Variants in SOX5 observed in about 807,000 individuals in gnomAD.
SOX5 encodes transcription factor SOX-5.
Under a neutral mutation model 92.0 loss-of-function variants are expected in SOX5, and 9 were observed. The observed-to-expected ratio is 0.10, with a 90% CI of 0.06 to 0.17. The LOEUF (loss-of-function observed/expected upper bound fraction) is 0.17. Among genes scored for constraint, SOX5 ranks in the 10% least tolerant of loss-of-function variants. The pLI is 1.00. For missense variants in SOX5, 642 were observed against 944.5 expected, an observed-to-expected ratio of 0.68 and a Z score of 4.20; for synonymous variants, 344 against 336.3, an observed-to-expected ratio of 1.02 and a Z score of -0.25.
intron 3 of SOX5, among the ~76,000 whole-genome samples, chr12:23,818,087 T>C (rs948753548): frequency 7.9e-5 from 12 of 152,264 alleles, no homozygotes; most frequent in African/African-American, 2.4e-4. Context: ...TAATAGAACA[T>C]AGGACAGAAG....
intron 3 of SOX5, among the ~76,000 whole-genome samples, chr12:23,780,947 G>T (rs1004949868): frequency 2.0e-5 from 3 of 151,952 alleles, no homozygotes; most frequent in Admixed American, 6.6e-5. Context: ...GGAAATTTCT[G>T]AAAGGGAGGA....
chr12:24,235,574 T>C (rs577149869), intron 3 of SOX5, among the ~76,000 whole-genome samples: 27 of 152,326 alleles, frequency 1.8e-4, no homozygotes, highest in African/African-American at 6.5e-4. Flanking sequence ...CTATGAGTAA[T>C]TATCATAGCC....
chr12:23,995,142 T>A (rs1190806269), intron 4 of SOX5, among the ~76,000 whole-genome samples: 1 of 152,204 alleles, frequency 6.6e-6, no homozygotes, highest in Non-Finnish European at 1.5e-5. Flanking sequence ...ACAAGATTTG[T>A]GAGAGTCTTT....
chr12:24,499,931 A>G (rs1948032506), intron 1 of SOX5, among the ~76,000 whole-genome samples: 1 of 152,156 alleles, frequency 6.6e-6, no homozygotes, highest in Non-Finnish European at 1.5e-5. Flanking sequence ...CAAAATAAAC[A>G]CAGATTTTAT....
intron 7 of SOX5, among the ~76,000 whole-genome samples, chr12:23,641,869 G>T (rs142839937): frequency 6.6e-6 from 1 of 152,070 alleles, no homozygotes; most frequent in African/African-American, 2.4e-5. Context: ...AATATTGCAC[G>T]CATGAAAAAT....
intron 4 of SOX5, among the ~76,000 whole-genome samples, chr12:24,095,128 C>CAGAGAGAGAG (rs764681203): frequency 3.3e-5 from 3 of 90,232 alleles, no homozygotes; most frequent in East Asian, 3.0e-4. Context: ...CACACACACA[C>CAGAGAGAGAG]AGAGAGAGAG....
intron 2 of SOX5, among the ~76,000 whole-genome samples, chr12:24,288,971 G>A (rs928338657): frequency 6.6e-6 from 1 of 151,832 alleles, no homozygotes; most frequent in Non-Finnish European, 1.5e-5. Flanking sequence ...CCTTAGATAC[G>A]TAACCACCTA....
At chr12:24,337,826 T>C (rs1377607197) in intron 2 of SOX5, among the ~76,000 whole-genome samples, 1 of 152,180 alleles carries the variant, frequency 6.6e-6, no homozygotes, top group Non-Finnish European at 1.5e-5. Context: ...TTTTAACAGA[T>C]GAACTATAAG....
At chr12:23,678,111 T>C (rs769486341) in intron 6 of SOX5, among the ~76,000 whole-genome samples, 6 of 152,120 alleles carry the variant, frequency 3.9e-5, no homozygotes, top group Non-Finnish European at 7.4e-5. Context: ...AAAAAGGCCA[T>C]GGTAGATGTT....
At chr12:23,758,815 G>A (rs896725632) in intron 3 of SOX5, among the ~76,000 whole-genome samples, 1 of 151,746 alleles carries the variant, frequency 6.6e-6, no homozygotes, top group African/African-American at 2.4e-5. Context: ...AAGGCTTCAG[G>A]GTACAAGTTC....
intron 1 of SOX5, among the ~76,000 whole-genome samples, chr12:24,412,464 A>ATT (rs1323873169): frequency 6.6e-6 from 1 of 151,900 alleles, no homozygotes; most frequent in Non-Finnish European, 1.5e-5. Flanking sequence ...TGATCCACAA[A>ATT]TTTTTACGTG....
chr12:24,277,482 A>AT (rs1944592524), intron 2 of SOX5, among the ~76,000 whole-genome samples: 2 of 120,672 alleles, frequency 1.7e-5, no homozygotes, highest in East Asian at 4.2e-4. Context: ...ATATATAAAT[A>AT]TATATGTAAA....
chr12:24,502,863 C>T (rs1364275998), intron 1 of SOX5, among the ~76,000 whole-genome samples: 1 of 152,128 alleles, frequency 6.6e-6, no homozygotes, highest in Non-Finnish European at 1.5e-5. Flanking sequence ...GGTATTCTGG[C>T]CAAAAGTGCA....
At chr12:24,145,446 T>C (rs73281028) in intron 4 of SOX5, among the ~76,000 whole-genome samples, 281 of 152,266 alleles carry the variant, frequency 1.8e-3, no homozygotes, top group African/African-American at 6.4e-3. Flanking sequence ...CTAGTTTAAA[T>C]ATAAGGATAT....
intron 9 of SOX5, among the ~76,000 whole-genome samples, chr12:23,586,323 A>C (rs962788999): frequency 6.6e-6 from 1 of 152,124 alleles, no homozygotes; most frequent in Non-Finnish European, 1.5e-5. Flanking sequence ...TTCCACAAAC[A>C]CTATTCCCAA....
intron 4 of SOX5, among the ~76,000 whole-genome samples, chr12:24,070,849 G>T (rs7306437): frequency 0.26 from 40,179 of 151,936 alleles, 5,563 homozygotes; most frequent in Non-Finnish European, 0.28. Context: ...ATGCCAGATG[G>T]TTTATGCATG....
chr12:23,984,384 A>G (rs1949868985), intron 4 of SOX5, among the ~76,000 whole-genome samples: 1 of 152,212 alleles, frequency 6.6e-6, no homozygotes. Flanking sequence ...GAAAACTTCT[A>G]AAGCAGGAAC....
chr12:23,697,971 T>C lies in SOX5; in HGVS notation c.811-32407A>G, dbSNP rs150217310. ...TTTTAATCTCTTCACTCCTTTTTTG[T>C]ATTAAGTATTTTATAGTAACATTTT... On this transcript the variant is annotated intron_variant, in intron 6 of 14. Transcript: ENST00000451604. Among the ~76,000 whole-genome samples the C allele has an allele frequency of 1.0e-3, 155 of 152,342 alleles. 1 individual carries two copies. In the East Asian group the frequency reaches 0.025, roughly 25 times the overall value.
chr12:24,341,447 C>T (rs1312623849), intron 2 of SOX5, among the ~76,000 whole-genome samples: 1 of 152,204 alleles, frequency 6.6e-6, no homozygotes, highest in African/African-American at 2.4e-5. Flanking sequence ...CACTTCACTC[C>T]ACCTGGGTGA....
Sources: gnomAD v4.1 joint callset for allele counts (sites outside exome capture counted in the v4.1 genomes callset) on GRCh38, gnomAD v4.1.1 for gene constraint, MANE v1.5 for transcripts, NCBI Gene and HGNC (gene_info 2026-07-23, HGNC 2026-07-21) for gene names.